The following UPK1A variants were observed in gnomAD, a reference collection of about 807,000 sequenced individuals.
UPK1A encodes uroplakin 1A, also known as uroplakin-1a.
UPK1A carries 31 observed loss-of-function variants against 32.3 expected under a neutral mutation model. The ratio of observed to expected loss-of-function variants is 0.96; its 90% CI spans 0.72 to 1.30. The LOEUF (loss-of-function observed/expected upper bound fraction) is 1.30, where lower values mean the gene tolerates loss of function less well. Among genes scored for constraint, UPK1A ranks in the 50% most tolerant of loss-of-function variants. UPK1A has a pLI of 0.00. For synonymous variants in UPK1A, 135 were observed against 137.1 expected, an observed-to-expected ratio of 0.98 and a Z score of 0.11; for missense variants, 340 against 357.4, an observed-to-expected ratio of 0.95 and a Z score of 0.39.
chr19:35,671,329 G>A lies in UPK1A; in HGVS notation c.286-1903G>A, dbSNP rs1209031118. Reference sequence around the variant, plus strand: ...GTGAACCCGGGAGGCGCAGCTTGCAGTGAGCAGAGATCGCGCCACTGCACT... The same window carrying A: ...GTGAACCCGGGAGGCGCAGCTTGCAATGAGCAGAGATCGCGCCACTGCACT... On this transcript the variant is annotated intron_variant, in intron 3 of 7. Coordinates refer to ENST00000617999, the Ensembl canonical transcript of UPK1A. Among the ~76,000 whole-genome samples, 8 of 142,664 alleles carry A rather than the reference G, an allele frequency of 5.6e-5. No homozygotes were observed. The Admixed American group carries it at 5.6e-4, about 10-fold the overall frequency. The allele number at this position is 142,664 out of a possible 152,430, so 93.6% of individuals were successfully genotyped here.
chr19:35,671,782 T>A (rs893058605), intron 3 of UPK1A, among the ~76,000 whole-genome samples: 1 of 151,870 alleles, frequency 6.6e-6, no homozygotes, highest in Non-Finnish European at 1.5e-5. Context: ...TTACAGGAAA[T>A]TTCTAAAGTA....
intron 3 of UPK1A, among the ~76,000 whole-genome samples, chr19:35,671,558 C>T (rs1490149742): frequency 6.9e-6 from 1 of 144,362 alleles, no homozygotes; most frequent in African/African-American, 2.6e-5. Context: ...CCCGGGTTCA[C>T]GCCATTCTCC....
At chr19:35,674,340 G>A (rs376386082) in intron 5 of UPK1A, among the ~76,000 whole-genome samples, 16 of 145,464 alleles carry the variant, frequency 1.1e-4, no homozygotes, top group African/African-American at 2.8e-4. Context: ...TCCGCCTCCC[G>A]GGTTCACGCT....
At chr19:35,675,912 G>A in exon 6 of UPK1A, 1 of 1,613,996 alleles carries the variant, frequency 6.2e-7, no homozygotes, top group Non-Finnish European at 8.5e-7. Flanking sequence ...GGCCACTCCG[G>A]AGGTGGTGTT....
At chr19:35,673,339 C>CCTG in intron 4 of UPK1A, 33 bp downstream of exon 4, 1 of 1,613,252 alleles carries the variant, frequency 6.2e-7, no homozygotes, top group Non-Finnish European at 8.5e-7. Flanking sequence ...AGGGGCCTGA[C>CCTG]CTGCATGGGA....
intron 3 of UPK1A, among the ~76,000 whole-genome samples, chr19:35,670,534 C>CCTCCTCTCCCCTCCCCTCG: frequency 1.6e-5 from 1 of 61,606 alleles, no homozygotes; most frequent in East Asian, 8.4e-4. Flanking sequence ...CCCTCCCCTC[C>CCTCCTCTCCCCTCCCCTCG]CCTCCTTTCC....
intron 3 of UPK1A, among the ~76,000 whole-genome samples, chr19:35,672,191 A>C (rs139728334): frequency 6.6e-6 from 1 of 152,238 alleles, no homozygotes; most frequent in East Asian, 1.9e-4. Context: ...AAATTCAATC[A>C]AGTTCTTCTA....
intron 6 of UPK1A, chr19:35,676,276 T>G: frequency 1.6e-6 from 1 of 626,514 alleles, no homozygotes; most frequent in Non-Finnish European, 2.9e-6. Context: ...CTGCAGCGTC[T>G]GCCTCCCGGG....
intron 6 of UPK1A, among the ~76,000 whole-genome samples, chr19:35,676,577 C>T (rs1447383296): frequency 2.0e-5 from 3 of 151,950 alleles, no homozygotes; most frequent in African/African-American, 7.3e-5. Context: ...CTGGCACCTA[C>T]AACTTTACTC....
intron 3 of UPK1A, 98 bp from the exon 4 acceptor site, chr19:35,673,134 A>G (rs1599631436): frequency 1.1e-5 from 15 of 1,307,134 alleles, no homozygotes; most frequent in East Asian, 9.3e-5. Context: ...CACTGCCCCA[A>G]ACTTTTTTAA....
chr19:35,677,078 G>T (rs1968191879), intron 6 of UPK1A, among the ~76,000 whole-genome samples: 1 of 151,876 alleles, frequency 6.6e-6, no homozygotes, highest in South Asian at 2.1e-4. Context: ...CAGAAAATTA[G>T]CCAGGCGTGG....
At chr19:35,668,734 C>CA in intron 3 of UPK1A, 80 bp downstream of exon 3, 2 of 1,456,790 alleles carry the variant, frequency 1.4e-6, no homozygotes, top group Non-Finnish European at 9.2e-7. Flanking sequence ...GGTGCAGCCC[C>CA]AGCCACTAGT....
exon 3 of UPK1A, chr19:35,668,604 A>G: frequency 6.2e-7 from 1 of 1,613,932 alleles, no homozygotes; most frequent in Non-Finnish European, 8.5e-7. Context: ...CATGGTAGCC[A>G]GTTTTGGTGT....
At chr19:35,668,407 G>A in intron 2 of UPK1A, 47 bp from the exon 3 acceptor site, 11 of 1,610,268 alleles carry the variant, frequency 6.8e-6, no homozygotes, top group Non-Finnish European at 9.3e-6. Flanking sequence ...CCTGGTGCCA[G>A]GGCTGCTGGC....
chr19:35,670,964 C>T (rs1253419357), intron 3 of UPK1A, among the ~76,000 whole-genome samples: 1 of 151,990 alleles, frequency 6.6e-6, no homozygotes, highest in Admixed American at 6.6e-5. Context: ...AGCCTCCCAC[C>T]TCAGCCTCCC....
intron 5 of UPK1A, among the ~76,000 whole-genome samples, chr19:35,675,393 T>A (rs191440099): frequency 1.1e-3 from 167 of 152,136 alleles, no homozygotes; most frequent in Admixed American, 2.2e-3. Flanking sequence ...GCAATTCTCC[T>A]GCCCCAGCCT....
chr19:35,678,190 A>G, exon 8 of UPK1A: 2 of 821,878 alleles, frequency 2.4e-6, no homozygotes, highest in Non-Finnish European at 3.7e-6. Flanking sequence ...ACTGTGTCTC[A>G]GGTGTGCCCT....
At chr19:35,667,164 C>T (rs1025660962) in intron 2 of UPK1A, among the ~76,000 whole-genome samples, 3 of 152,134 alleles carry the variant, frequency 2.0e-5, no homozygotes, top group African/African-American at 7.2e-5. Context: ...GTGTGGCCCT[C>T]AGCTCAGAGA....
At chr19:35,671,047 G>A (rs1968087395) in intron 3 of UPK1A, among the ~76,000 whole-genome samples, 1 of 151,508 alleles carries the variant, frequency 6.6e-6, no homozygotes, top group Non-Finnish European at 1.5e-5. Context: ...TAATTATCTG[G>A]CATAACAATT....
Sources: allele counts gnomAD v4.1 joint callset (sites outside exome capture counted in the v4.1 genomes callset), GRCh38; gene constraint gnomAD v4.1.1; transcripts MANE v1.5; gene names NCBI Gene and HGNC (gene_info 2026-07-23, HGNC 2026-07-21).